Variants in PLXNA4 observed in about 807,000 individuals in gnomAD.
PLXNA4 encodes the protein plexin A4, also known as plexin-A4.
A neutral mutation model predicts 191.8 loss-of-function variants in PLXNA4; 44 were observed. The observed-to-expected ratio is 0.23, with a 90% confidence interval of 0.18 to 0.29. The LOEUF is 0.29. Among genes scored for constraint, PLXNA4 ranks in the 10% least tolerant of loss-of-function variants. The pLI, the probability that PLXNA4 is intolerant of heterozygous loss-of-function variation, is 1.00. For synonymous variants in PLXNA4, 1,082 were observed against 1,009.5 expected (o/e 1.07, Z -1.36); for missense variants, 1,800 against 2,488.8 (o/e 0.72, Z 5.89).
chr7:132,316,480 T>C (rs1801949050), intron 3 of PLXNA4, among the ~76,000 whole-genome samples: 1 of 152,164 alleles, frequency 6.6e-6, no homozygotes, highest in Non-Finnish European at 1.5e-5. Context: ...CTCACAAACT[T>C]CCAGGCTAAG....
intron 2 of PLXNA4, among the ~76,000 whole-genome samples, chr7:132,588,774 G>A (rs113542549): frequency 1.0e-4 from 15 of 145,616 alleles, no homozygotes; most frequent in Non-Finnish European, 2.3e-4. Flanking sequence ...AAGAAAGAAA[G>A]AGAAAGAGAG....
At chr7:132,442,882 G>A (rs1476797385) in intron 3 of PLXNA4, among the ~76,000 whole-genome samples, 3 of 152,188 alleles carry the variant, frequency 2.0e-5, no homozygotes, top group Non-Finnish European at 4.4e-5. Context: ...CGGCCTGAGA[G>A]GTCAAACCCC....
At chr7:132,317,640 G>A (rs1394206969) in intron 3 of PLXNA4, among the ~76,000 whole-genome samples, 4 of 152,216 alleles carry the variant, frequency 2.6e-5, no homozygotes, top group Non-Finnish European at 4.4e-5. Flanking sequence ...ACTAGCATAG[G>A]ATCCAAAGTC....
chr7:132,430,592 A>C (rs1192353006), intron 3 of PLXNA4, among the ~76,000 whole-genome samples: 2 of 152,168 alleles, frequency 1.3e-5, no homozygotes, highest in African/African-American at 4.8e-5. Flanking sequence ...AGAAAGAACA[A>C]CTAGCAAGGC....
intron 3 of PLXNA4, among the ~76,000 whole-genome samples, chr7:132,421,606 A>T (rs1262621810): frequency 6.6e-6 from 1 of 151,696 alleles, no homozygotes; most frequent in African/African-American, 2.4e-5. Flanking sequence ...AGCTTCAGTT[A>T]CAAAACAAAA....
intron 3 of PLXNA4, among the ~76,000 whole-genome samples, chr7:132,373,746 G>A (rs1308899597): frequency 1.3e-5 from 2 of 152,194 alleles, no homozygotes; most frequent in African/African-American, 4.8e-5. Flanking sequence ...GAAATGCAGG[G>A]GTGGAGGAGG....
intron 4 of PLXNA4, among the ~76,000 whole-genome samples, chr7:132,286,513 G>A (rs931589347): frequency 3.3e-5 from 5 of 152,234 alleles, no homozygotes; most frequent in African/African-American, 4.8e-5. Context: ...ACCTGCCAGC[G>A]CTTTCCTTAA....
chr7:132,527,469 G>A (rs148731655), intron 1 of PLXNA4, among the ~76,000 whole-genome samples: 19 of 145,116 alleles, frequency 1.3e-4, no homozygotes, highest in African/African-American at 3.6e-4. Context: ...CTTTCTCCAC[G>A]TCGTAGAGAT....
At chr7:132,429,584 T>G (rs2117187554) in intron 3 of PLXNA4, among the ~76,000 whole-genome samples, 1 of 152,342 alleles carries the variant, frequency 6.6e-6, no homozygotes, top group Non-Finnish European at 1.5e-5. Context: ...CATGATATAT[T>G]GTTCTTTTGA....
In PLXNA4 at chr7:132,508,811, C is replaced by A. The variant is rs1366811425; in HGVS notation, c.-86-32G>T. The A allele has an allele frequency of 8.4e-6, 12 of 1,428,600 alleles. No individual in the cohort carries two copies. Among genetic ancestry groups the A allele is most frequent in the South Asian group, 3.0e-5 (2 of 66,240 alleles). 88.5% of individuals were successfully genotyped at this position (1,428,600 alleles called of 1,614,324 possible). On this transcript the variant is annotated intron_variant, in intron 1 of 31. Coordinates refer to ENST00000321063, the MANE Select transcript of PLXNA4 (RefSeq NM_020911.2). This position sits in a 1 kb window ranked among gnomAD's most constrained non-coding sequence, Gnocchi z 4.4. ...AAAGGGAAGACAATGAGCTGGATAA[C>A]AATGCCAGTGGCTTCATTTCACCCC...
intron 3 of PLXNA4, among the ~76,000 whole-genome samples, chr7:132,449,344 C>A (rs189236240): frequency 6.6e-6 from 1 of 152,136 alleles, no homozygotes; most frequent in South Asian, 2.1e-4. Context: ...CTTGAACAAC[C>A]CAAATTAAAA....
intron 2 of PLXNA4, among the ~76,000 whole-genome samples, chr7:132,595,631 G>A (rs1477024887): frequency 6.6e-6 from 1 of 152,162 alleles, no homozygotes; most frequent in Non-Finnish European, 1.5e-5. Flanking sequence ...AACTTGTCCA[G>A]ATACACTGGC....
chr7:132,139,850 C>T lies in PLXNA4; in HGVS notation c.5438+749G>A, dbSNP rs1378322362. Among the ~76,000 whole-genome samples the T allele has an allele frequency of 2.0e-5, 3 of 152,326 alleles. No homozygotes were observed. In the East Asian group the frequency reaches 5.8e-4, roughly 29 times the overall value. On this transcript the variant is annotated intron_variant, in intron 30 of 31. Transcript: ENST00000321063. ...CATGGCATAAAAGGAGCTTATAGTT[C>T]CTGTCCTCTCCCTAGTACAGGGCTT...
intron 3 of PLXNA4, among the ~76,000 whole-genome samples, chr7:132,360,571 T>C (rs925200684): frequency 6.6e-6 from 1 of 152,208 alleles, no homozygotes; most frequent in Non-Finnish European, 1.5e-5. Context: ...AGCATACTCA[T>C]GACAGGTCTT....
chr7:132,586,625 C>T (rs1802510560), intron 2 of PLXNA4, among the ~76,000 whole-genome samples: 2 of 152,166 alleles, frequency 1.3e-5, no homozygotes, highest in East Asian at 1.9e-4. Context: ...TCGTGGTGGG[C>T]ACCTGTAGTC....
intron 2 of PLXNA4, among the ~76,000 whole-genome samples, chr7:132,615,955 C>CTCTCTG (rs1220587769): frequency 6.6e-6 from 1 of 150,852 alleles, no homozygotes; most frequent in African/African-American, 2.4e-5. Flanking sequence ...CTCTCTCTCT[C>CTCTCTG]TCTCTCTCTA....
At chr7:132,347,315 C>T (rs777531208) in intron 3 of PLXNA4, among the ~76,000 whole-genome samples, 1 of 152,156 alleles carries the variant, frequency 6.6e-6, no homozygotes, top group Non-Finnish European at 1.5e-5. Context: ...AGCAGCAATG[C>T]GTCTCCATGA....
chr7:132,404,222 TAC>T (rs1794117673), intron 3 of PLXNA4, among the ~76,000 whole-genome samples: 1 of 152,162 alleles, frequency 6.6e-6, no homozygotes, highest in Admixed American at 6.5e-5. Context: ...GATGTGAGGC[TAC>T]ACACAATGCC....
At chr7:132,306,322 G>A (rs1038427975) in intron 3 of PLXNA4, among the ~76,000 whole-genome samples, 3 of 152,134 alleles carry the variant, frequency 2.0e-5, no homozygotes, top group African/African-American at 7.2e-5. Flanking sequence ...GAAGTAAGGG[G>A]GCCAGGTTTG....
Sources: gnomAD v4.1 joint callset for allele counts (sites outside exome capture counted in the v4.1 genomes callset) on GRCh38, gnomAD v4.1.1 for gene constraint, Gnocchi (gnomAD v3.1) non-coding constraint, MANE v1.5 for transcripts, NCBI Gene and HGNC (gene_info 2026-07-23, HGNC 2026-07-21) for gene names.